ADGRV1: variants seen among roughly 807,000 people sequenced by gnomAD.
ADGRV1 encodes the protein G-protein coupled receptor 98.
Under a neutral mutation model 596.2 loss-of-function variants are expected in ADGRV1, and 359 were observed. The ratio of observed to expected loss-of-function variants is 0.60; its 90% CI spans 0.55 to 0.66. The LOEUF (loss-of-function observed/expected upper bound fraction) is 0.66, where lower values mean the gene tolerates loss of function less well. Ranked by LOEUF, ADGRV1 falls within the 30% of genes least tolerant of loss-of-function variation. The probability of loss-of-function intolerance (pLI) is 0.00; values close to 1 mark genes in which losing one functional copy is unlikely to be tolerated. For missense variants in ADGRV1, 7,274 were observed against 7,575.6 expected (o/e 0.96, Z 1.48); for synonymous variants, 2,681 against 2,679.2 (o/e 1.00, Z -0.02).
intron 1 of ADGRV1, among the ~76,000 whole-genome samples, chr5:90,608,500 A>T (rs1762368262): frequency 6.6e-6 from 1 of 152,100 alleles, no homozygotes; most frequent in African/African-American, 2.4e-5. Context: ...CAACACTAGG[A>T]GTTTGAAAAC....
chr5:90,682,129 G>C (rs1204245980), intron 27 of ADGRV1, among the ~76,000 whole-genome samples: 1 of 152,142 alleles, frequency 6.6e-6, no homozygotes, highest in Non-Finnish European at 1.5e-5. Flanking sequence ...GCCTCTCAAA[G>C]TGCTGGAAAA....
rs1346424307 is a variant in ADGRV1 at position 90,778,489 on chromosome 5, T to C, written c.12729T>C (p.Ser4243=). ...SFYEFQLTAV[S]EGGVLSESSS... ...ATGAGTTTCAGCTCACTGCAGTCAG[T>C]GAGGGAGGAGTTCTGAGTGAATCCA... is the stretch of plus-strand genomic sequence containing the variant. Residue 4243 remains serine (S), a synonymous_variant, in exon 63 of 90, where the codon AGT becomes AGC. Transcript: ENST00000405460. The C allele has an allele frequency of 4.3e-6, 7 of 1,613,102 alleles. No homozygotes were observed. The highest frequency in any genetic ancestry group is 5.9e-6 in the Non-Finnish European group (7 of 1,179,506).
chr5:90,614,620 T>A, intron 1 of ADGRV1: 1 of 579,412 alleles, frequency 1.7e-6, no homozygotes. Context: ...AAAAAGTACT[T>A]CTGAATAGTA....
Position 90,763,321 on chromosome 5 carries a change from C to A in ADGRV1, c.12137C>A (p.Ser4046Tyr). 1 of 1,559,204 alleles carries A rather than the reference C, an allele frequency of 6.4e-7. No homozygotes were observed. Among genetic ancestry groups the A allele is most frequent in the Admixed American group, 1.7e-5 (1 of 57,442 alleles). ...TTCTTTCAGGTAATGATTGATGAAT[C>A]CCTTTCATCCGATGACCCTGATTCA... ...FEEKTVMIDE[S>Y]LSSDDPDSYV... Residue 4046 changes from serine to tyrosine, a missense_variant, in exon 59 of 90, where the codon TCC (serine) becomes TAC (tyrosine). This residue lies in a region of ADGRV1 where 3,643 missense variants were observed against 3,809.2 expected (regional missense o/e 0.96). Coordinates refer to ENST00000405460, the MANE Select transcript of ADGRV1 (RefSeq NM_032119.4).
At chr5:90,614,479 C>T (rs1401691207) in intron 1 of ADGRV1, among the ~76,000 whole-genome samples, 1 of 152,014 alleles carries the variant, frequency 6.6e-6, no homozygotes. Flanking sequence ...TAAATATGGG[C>T]TTTAATTAAA....
rs1291515634 is a variant in ADGRV1, at chr5:90,829,167, C to T, written c.16592C>T (p.Ser5531Phe). ...ARDSGTGLMMSVNFSTQELRS... is the reference protein window; with the variant it reads ...ARDSGTGLMMFVNFSTQELRS... ...GATTCTGGGACAGGACTAATGATGTCTGTTAACTTTAGTACCCAGGTAAGC... is the reference window on the plus strand; with the variant it reads ...GATTCTGGGACAGGACTAATGATGTTTGTTAACTTTAGTACCCAGGTAAGC... Residue 5531 changes from serine to phenylalanine, a missense_variant, in exon 77 of 90, where the codon TCT (serine) becomes TTT (phenylalanine). Physicochemically the swap from Ser to Phe is radical, Grantham distance 155. This residue lies in a region of ADGRV1 where 1,874 missense variants were observed against 1,970.2 expected (regional missense o/e 0.95). Transcript: ENST00000405460. The T allele has an allele frequency of 6.5e-7, 1 of 1,550,282 alleles. No homozygotes were observed. The highest frequency in any genetic ancestry group is 2.3e-5 in the East Asian group (1 of 44,356).
At chr5:91,088,969 T>G (rs971194694) in intron 86 of ADGRV1, among the ~76,000 whole-genome samples, 8 of 152,152 alleles carry the variant, frequency 5.3e-5, no homozygotes, top group Admixed American at 5.2e-4. Flanking sequence ...AATTGCCTTT[T>G]TTTTCTGAAC....
At chr5:91,075,647 T>A (rs1172595535) in intron 86 of ADGRV1, among the ~76,000 whole-genome samples, 1 of 152,212 alleles carries the variant, frequency 6.6e-6, no homozygotes, top group Non-Finnish European at 1.5e-5. Flanking sequence ...TTTATTCTAA[T>A]AGTCATTATA....
intron 50 of ADGRV1, among the ~76,000 whole-genome samples, chr5:90,735,877 G>A (rs1753161413): frequency 6.6e-6 from 1 of 152,018 alleles, no homozygotes; most frequent in Admixed American, 6.6e-5. Context: ...TTGTTTTAAT[G>A]CAAACTTTAG....
intron 62 of ADGRV1, 135 bp downstream of exon 62, chr5:90,778,178 T>C (rs1758451761): frequency 2.9e-6 from 3 of 1,044,160 alleles, no homozygotes; most frequent in Non-Finnish European, 4.1e-6. Context: ...GAGGTAAATA[T>C]TACAGCATTT....
intron 87 of ADGRV1, among the ~76,000 whole-genome samples, chr5:91,141,784 G>A (rs1025265390): frequency 6.6e-6 from 1 of 152,168 alleles, no homozygotes; most frequent in Non-Finnish European, 1.5e-5. Flanking sequence ...TTTGAAGCCA[G>A]AAACAAGAGA....
At chr5:90,955,349 G>A (rs932541486) in intron 83 of ADGRV1, among the ~76,000 whole-genome samples, 1 of 152,016 alleles carries the variant, frequency 6.6e-6, no homozygotes, top group African/African-American at 2.4e-5. Flanking sequence ...TCCCAATTTT[G>A]TATTCCAAAG....
intron 85 of ADGRV1, chr5:91,031,388 C>G (rs544076258): frequency 9.2e-7 from 1 of 1,081,930 alleles, no homozygotes; most frequent in South Asian, 1.3e-5. Context: ...TCTGCATGCT[C>G]TGTGCCATGG....
chr5:90,667,766 G>T (rs1477766936), intron 21 of ADGRV1, among the ~76,000 whole-genome samples: 1 of 152,168 alleles, frequency 6.6e-6, no homozygotes, highest in Non-Finnish European at 1.5e-5. Flanking sequence ...CTTTGATGAT[G>T]GTGATGTACA....
chr5:90,595,776 G>C (rs1580388570), intron 1 of ADGRV1, among the ~76,000 whole-genome samples: 1 of 136,890 alleles, frequency 7.3e-6, no homozygotes, highest in Non-Finnish European at 1.6e-5. Context: ...GGGGTGGCTG[G>C]CCGGGCGGGA....
At chr5:90,802,402 T>G (rs1761470705) in intron 70 of ADGRV1, among the ~76,000 whole-genome samples, 1 of 152,072 alleles carries the variant, frequency 6.6e-6, no homozygotes, top group Non-Finnish European at 1.5e-5. Flanking sequence ...TTATTTTTTA[T>G]TTTTTATTAG....
intron 45 of ADGRV1, among the ~76,000 whole-genome samples, chr5:90,724,340 G>A (rs1198618659): frequency 2.6e-5 from 4 of 151,914 alleles, no homozygotes; most frequent in African/African-American, 7.3e-5. Flanking sequence ...AGCAATTCTC[G>A]TGCCTCAGCC....
At position 90,962,955 on chromosome 5, in the gene ADGRV1, A is replaced by G. The variant is rs180885502; in HGVS notation, c.17857-2460A>G. On this transcript the variant is annotated intron_variant, in intron 83 of 89. Coordinates refer to ENST00000405460, the MANE Select transcript of ADGRV1 (RefSeq NM_032119.4). ...CTTCAAAGAAAACATATTGAAAAAG[A>G]AAAGAATTATTTAAGTTAGCATATA... 8.4e-3 allele frequency among the ~76,000 whole-genome samples: 1,275 copies of G among 152,326 alleles called. 8 individuals carry two copies. Among genetic ancestry groups the G allele is most frequent in the Non-Finnish European group, 0.014 (952 of 68,002 alleles).
At chr5:90,583,306 T>A (rs1299432346) in intron 1 of ADGRV1, among the ~76,000 whole-genome samples, 2 of 152,192 alleles carry the variant, frequency 1.3e-5, no homozygotes, top group Admixed American at 1.3e-4. Flanking sequence ...GTAATATTCA[T>A]GAGTGATATA....
Sources: allele counts gnomAD v4.1 joint callset (sites outside exome capture counted in the v4.1 genomes callset), GRCh38; gene constraint gnomAD v4.1.1; regional missense constraint gnomAD v4.1.1; transcripts MANE v1.5; gene names NCBI Gene and HGNC (gene_info 2026-07-23, HGNC 2026-07-21).